Variants in PSMD14 observed in about 807,000 individuals in gnomAD.
The protein encoded by PSMD14 is proteasome 26S subunit, non-ATPase 14.
A neutral mutation model predicts 41.2 loss-of-function variants in PSMD14; 7 were observed. The observed-to-expected ratio is 0.17, with a 90% CI of 0.10 to 0.32. PSMD14 has a LOEUF of 0.32. Ranked by LOEUF, PSMD14 falls within the 10% of genes least tolerant of loss-of-function variation. PSMD14 has a pLI of 1.00. For synonymous variants in PSMD14, 114 were observed against 122.3 expected (o/e 0.93, Z 0.45); for missense variants, 139 against 375.6 (o/e 0.37, Z 5.21).
At chr2:161,316,134 G>A (rs991674640) in intron 1 of PSMD14, among the ~76,000 whole-genome samples, 1 of 152,190 alleles carries the variant, frequency 6.6e-6, no homozygotes, top group African/African-American at 2.4e-5. Flanking sequence ...GTGAGCCACT[G>A]CGCCCAGCCT....
At chr2:161,402,815 C>A (rs1230265026) in intron 10 of PSMD14, among the ~76,000 whole-genome samples, 1 of 151,902 alleles carries the variant, frequency 6.6e-6, no homozygotes, top group Non-Finnish European at 1.5e-5. Context: ...CAAATGGTTA[C>A]AAACACATAA....
At chr2:161,314,218 A>G (rs558756158) in intron 1 of PSMD14, among the ~76,000 whole-genome samples, 4 of 152,346 alleles carry the variant, frequency 2.6e-5, no homozygotes, top group South Asian at 4.1e-4. Flanking sequence ...AACTGCATCA[A>G]CATCATAAAA....
At chr2:161,404,494 A>G (rs923520467) in intron 10 of PSMD14, among the ~76,000 whole-genome samples, 11 of 152,200 alleles carry the variant, frequency 7.2e-5, no homozygotes, top group South Asian at 4.2e-4. Context: ...CTAATCTTCA[A>G]CTGTTCTCTA....
intron 8 of PSMD14, 53 bp from the exon 9 acceptor site, chr2:161,391,051 T>G: frequency 3.6e-6 from 5 of 1,388,356 alleles, no homozygotes; most frequent in Non-Finnish European, 4.8e-6. Context: ...TCAAACATTT[T>G]TATTAGGTGA....
chr2:161,372,039 A>C (rs1260287411), intron 7 of PSMD14, among the ~76,000 whole-genome samples: 1 of 150,546 alleles, frequency 6.6e-6, no homozygotes, highest in Non-Finnish European at 1.5e-5. Context: ...GACAGCAGGG[A>C]GCAGCTCTAT....
At chr2:161,330,628 G>A (rs1329415681) in intron 3 of PSMD14, among the ~76,000 whole-genome samples, 1 of 152,122 alleles carries the variant, frequency 6.6e-6, no homozygotes, top group Non-Finnish European at 1.5e-5. Context: ...CAGACTCAAG[G>A]TGGTTCTCTG....
At position 161,312,633 on chromosome 2, in the gene PSMD14, C is replaced by G. The variant is rs538082270; in HGVS notation, c.-137-3804C>G. Among the ~76,000 whole-genome samples the G allele has an allele frequency of 7.2e-5, 11 of 152,268 alleles. No individual in the cohort carries two copies. The South Asian group carries it at 2.3e-3, about 32-fold the overall frequency. On this transcript the variant is annotated intron_variant, in intron 1 of 11. Coordinates refer to ENST00000409682, the MANE Select transcript of PSMD14 (RefSeq NM_005805.6). ...TATGACATTATGTTAGGTATAAACA[C>G]TTTATTCATATTGTCTGATAATATT...
intron 5 of PSMD14, 140 bp from the exon 6 acceptor site, chr2:161,369,967 A>G (rs1683410699): frequency 3.4e-6 from 2 of 583,210 alleles, no homozygotes; most frequent in Non-Finnish European, 6.0e-6. Flanking sequence ...TATGAGGTTT[A>G]TAATTGAATG....
At chr2:161,351,889 C>T (rs1223134416) in intron 3 of PSMD14, among the ~76,000 whole-genome samples, 2 of 152,140 alleles carry the variant, frequency 1.3e-5, no homozygotes, top group African/African-American at 2.4e-5. Context: ...TACCTAACCT[C>T]AAGAGGTTAG....
chr2:161,380,828 A>G (rs1683561984), intron 7 of PSMD14, among the ~76,000 whole-genome samples: 1 of 151,978 alleles, frequency 6.6e-6, no homozygotes, highest in African/African-American at 2.4e-5. Flanking sequence ...TTTTTCTCTT[A>G]TAGATGTCTG....
At chr2:161,343,104 C>A (rs939840942) in intron 3 of PSMD14, among the ~76,000 whole-genome samples, 1 of 152,038 alleles carries the variant, frequency 6.6e-6, no homozygotes, top group African/African-American at 2.4e-5. Context: ...CCATTTTAAT[C>A]ATTTTTAAGT....
chr2:161,401,868 A>G (rs1371489414), intron 10 of PSMD14, among the ~76,000 whole-genome samples: 2 of 152,166 alleles, frequency 1.3e-5, no homozygotes, highest in African/African-American at 2.4e-5. Flanking sequence ...TTGGAGATAC[A>G]TAGGACTGTG....
At chr2:161,344,116 G>A (rs1305830867) in intron 3 of PSMD14, among the ~76,000 whole-genome samples, 1 of 149,368 alleles carries the variant, frequency 6.7e-6, no homozygotes, top group African/African-American at 2.5e-5. Flanking sequence ...ACTTGGTGCG[G>A]GGGGGTGGGG....
chr2:161,349,053 T>G (rs780783034), intron 3 of PSMD14, among the ~76,000 whole-genome samples: 2 of 152,180 alleles, frequency 1.3e-5, no homozygotes, highest in Non-Finnish European at 2.9e-5. Flanking sequence ...CAGATCAGCT[T>G]TCTAGGTAAA....
intron 3 of PSMD14, among the ~76,000 whole-genome samples, chr2:161,344,175 T>C (rs1158702330): frequency 6.6e-6 from 1 of 152,102 alleles, no homozygotes; most frequent in African/African-American, 2.4e-5. Context: ...TACTGAGGGA[T>C]GACTATACTC....
At chr2:161,409,389 AG>A (rs1164903699) in intron 11 of PSMD14, among the ~76,000 whole-genome samples, 1 of 152,118 alleles carries the variant, frequency 6.6e-6, no homozygotes, top group Non-Finnish European at 1.5e-5. Flanking sequence ...CTATTATCTG[AG>A]GGTGGGGGAA....
intron 3 of PSMD14, among the ~76,000 whole-genome samples, chr2:161,328,059 A>G (rs1682728790): frequency 1.3e-5 from 2 of 151,570 alleles, no homozygotes; most frequent in South Asian, 4.2e-4. Context: ...TATATGTTAA[A>G]TGGACACACC....
chr2:161,315,280 T>G (rs1162807415), intron 1 of PSMD14, among the ~76,000 whole-genome samples: 1 of 152,220 alleles, frequency 6.6e-6, no homozygotes, highest in Non-Finnish European at 1.5e-5. Context: ...AATTATCTGG[T>G]CCTGAATATC....
chr2:161,327,199 C>A (rs1305394108), intron 3 of PSMD14, among the ~76,000 whole-genome samples: 1 of 151,998 alleles, frequency 6.6e-6, no homozygotes, highest in Non-Finnish European at 1.5e-5. Context: ...ATGGTAGTTG[C>A]CAGGAGCTGG....
Sources: allele counts gnomAD v4.1 joint callset (sites outside exome capture counted in the v4.1 genomes callset), GRCh38; gene constraint gnomAD v4.1.1; transcripts MANE v1.5; gene names NCBI Gene and HGNC (gene_info 2026-07-23, HGNC 2026-07-21).